The following LYRM9 variants were observed in gnomAD, a reference collection of about 807,000 sequenced individuals.
LYRM9 encodes the protein LYR motif containing 9.
LYRM9 carries 14 observed loss-of-function variants against 12.6 expected under a neutral mutation model. That is an observed-to-expected ratio of 1.11 (90% CI 0.73 to 1.73). The LOEUF (loss-of-function observed/expected upper bound fraction) is 1.73. Among genes scored for constraint, LYRM9 ranks in the 40% most tolerant of loss-of-function variants. The pLI, the probability that LYRM9 is intolerant of heterozygous loss-of-function variation, is 0.00. For synonymous variants in LYRM9, 42 were observed against 35.1 expected (o/e 1.20, Z -0.69); for missense variants, 94 against 95.0 (o/e 0.99, Z 0.04).
rs576033874 is a variant in LYRM9 at position 27,890,683 on chromosome 17, A to G, written c.-19+2634T>C. Among the ~76,000 whole-genome samples, 5 of 152,370 alleles carry G rather than the reference A, an allele frequency of 3.3e-5. No individual in the cohort carries two copies. In the East Asian group the frequency reaches 7.7e-4, roughly 24 times the overall value. On this transcript the variant is annotated intron_variant, in intron 1 of 3. Transcript: ENST00000379102. Reference sequence around the variant, plus strand: ...ACCTAAAAATAAGTGGGAAAAAGTCATATATTAAAAAAAGACGAAAGAATG... The same window carrying G: ...ACCTAAAAATAAGTGGGAAAAAGTCGTATATTAAAAAAAGACGAAAGAATG...
At chr17:27,893,255 G>C (rs890588161) in intron 1 of LYRM9, 62 bp downstream of exon 1, 1 of 153,062 alleles carries the variant, frequency 6.5e-6, no homozygotes, top group Non-Finnish European at 1.5e-5. Flanking sequence ...CCACCCAGTG[G>C]CTCCGGCCGC....
In LYRM9 at chr17:27,879,418, C is replaced by T; in HGVS notation, c.*55G>A. 6.5e-7 allele frequency: 1 copy of T among 1,537,170 alleles called. No individual in the cohort carries two copies. Among genetic ancestry groups the T allele is most frequent in the Non-Finnish European group, 8.8e-7 (1 of 1,139,890 alleles). On this transcript the variant is annotated 3_prime_UTR_variant, in exon 4 of 4. Coordinates refer to ENST00000379102, the MANE Select transcript of LYRM9 (RefSeq NM_001076680.3). The stretch of plus-strand genomic sequence containing the variant: ...CCAAACCAGCTGCTGCTGCTGAGCT[C>T]CAGAAGAGGGGCCTCTCAACTTCCA...
At chr17:27,881,692 C>G (rs1199152228) in intron 2 of LYRM9, among the ~76,000 whole-genome samples, 1 of 152,130 alleles carries the variant, frequency 6.6e-6, no homozygotes, top group African/African-American at 2.4e-5. Flanking sequence ...ATGTGTAGTT[C>G]CTAATGACAA....
At chr17:27,892,624 G>A (rs1041583669) in intron 1 of LYRM9, 3 of 326,272 alleles carry the variant, frequency 9.2e-6, no homozygotes, top group Non-Finnish European at 1.2e-5. Flanking sequence ...GTACATTGGT[G>A]GTTGCCTAGG....
Position 27,879,367 on chromosome 17 carries a change from T to G in LYRM9, c.*106A>C. 7.7e-7 allele frequency: 1 copy of G among 1,299,114 alleles called. No individual in the cohort carries two copies. The highest frequency in any genetic ancestry group is 2.7e-5 in the East Asian group (1 of 37,204). 80.5% of individuals were successfully genotyped at this position (1,299,114 alleles called of 1,614,324 possible). A position where few individuals can be genotyped will look rare whatever the true frequency, so the allele number is the denominator to read the frequency against. ...TCAGCTTCTCCCCTGATTTCTGGCT[T>G]TCAGCCAACAAGGCCAATGGCTCTT... On this transcript the variant is annotated 3_prime_UTR_variant, in exon 4 of 4. Transcript: ENST00000379102.
chr17:27,879,866 G>T (rs774836671), intron 3 of LYRM9: 14 of 574,510 alleles, frequency 2.4e-5, no homozygotes, highest in Non-Finnish European at 3.7e-5. Context: ...AAAACATACT[G>T]AATGTTTCCT....
chr17:27,885,042 C>T (rs532427636), intron 1 of LYRM9, among the ~76,000 whole-genome samples: 38 of 152,290 alleles, frequency 2.5e-4, no homozygotes, highest in African/African-American at 9.1e-4. Flanking sequence ...TGCTCTGATG[C>T]TGGAGTGGAT....
At chr17:27,887,116 TGCC>T (rs1386957402) in intron 1 of LYRM9, among the ~76,000 whole-genome samples, 1 of 152,222 alleles carries the variant, frequency 6.6e-6, no homozygotes, top group African/African-American at 2.4e-5. Context: ...CATCCTTCTC[TGCC>T]CAACAGCCAG....
intron 3 of LYRM9, chr17:27,880,019 T>G (rs1904991435): frequency 3.0e-6 from 2 of 659,462 alleles, no homozygotes. Context: ...CCCTCTCAGC[T>G]CGATCAGCAC....
intron 1 of LYRM9, among the ~76,000 whole-genome samples, chr17:27,885,701 CAAA>C (rs61615628): frequency 1.4e-4 from 4 of 29,374 alleles, no homozygotes; most frequent in East Asian, 1.1e-3. Flanking sequence ...AACTCTGTCT[CAAA>C]AAAAAAAAAA....
chr17:27,891,174 C>A (rs1905431706), intron 1 of LYRM9, among the ~76,000 whole-genome samples: 2 of 152,178 alleles, frequency 1.3e-5, no homozygotes, highest in South Asian at 4.1e-4. Flanking sequence ...AGTTCTCTAC[C>A]CATGGCCTTC....
At chr17:27,890,642 A>G (rs1905404148) in intron 1 of LYRM9, among the ~76,000 whole-genome samples, 1 of 152,304 alleles carries the variant, frequency 6.6e-6, no homozygotes, top group Middle Eastern at 3.4e-3. Flanking sequence ...TCCCTAATCT[A>G]TGTCCCGATA....
At chr17:27,882,899 A>C (rs934849729) in intron 1 of LYRM9, 187 bp from the exon 2 acceptor site, 2 of 691,294 alleles carry the variant, frequency 2.9e-6, no homozygotes, top group Non-Finnish European at 5.3e-6. Context: ...AGCCCAGAGC[A>C]GGCCCACAAG....
rs1281677125 is a variant in LYRM9 at position 27,893,310 on chromosome 17, G to C, written c.-19+7C>G. ...CCCTCGGCCTCGGCCTGCGCAGCGC[G>C]GCTCACCAGCCTCCAGGGGAACGCC... On this transcript the variant is annotated splice_region_variant and intron_variant, in intron 1 of 3. Coordinates refer to ENST00000379102, the MANE Select transcript of LYRM9 (RefSeq NM_001076680.3). 1 of 152,678 alleles carries C rather than the reference G, an allele frequency of 6.5e-6. No homozygotes were observed. The highest frequency in any genetic ancestry group is 1.9e-4 in the South Asian group (1 of 5,352). 9.5% of individuals were successfully genotyped at this position (152,678 alleles called of 1,614,324 possible). A position where few individuals can be genotyped will look rare whatever the true frequency, so the allele number is the denominator to read the frequency against.
chr17:27,880,557 C>T, intron 2 of LYRM9, 191 bp from the exon 3 acceptor site: 1 of 598,308 alleles, frequency 1.7e-6, no homozygotes, highest in Non-Finnish European at 3.0e-6. Context: ...TGAACAATAG[C>T]ATTTGAATCC....
chr17:27,882,834 T>C, intron 1 of LYRM9, 122 bp from the exon 2 acceptor site: 2 of 1,105,428 alleles, frequency 1.8e-6, no homozygotes, highest in East Asian at 2.6e-5. Context: ...TCCTGTCCCA[T>C]CCCATGGAGC....
intron 2 of LYRM9, chr17:27,880,686 G>A: frequency 2.7e-6 from 1 of 366,574 alleles, no homozygotes; most frequent in Non-Finnish European, 5.0e-6. Context: ...AGAGTCCAAG[G>A]GGAAACTTCC....
At chr17:27,891,644 C>T (rs1905454109) in intron 1 of LYRM9, among the ~76,000 whole-genome samples, 1 of 152,238 alleles carries the variant, frequency 6.6e-6, no homozygotes, top group Admixed American at 6.5e-5. Context: ...ACCCCTATTA[C>T]AGTCATCACA....
At chr17:27,881,900 G>A (rs553044923) in intron 2 of LYRM9, among the ~76,000 whole-genome samples, 24 of 151,994 alleles carry the variant, frequency 1.6e-4, no homozygotes, top group African/African-American at 4.8e-4. Context: ...CTCGACCTCC[G>A]GGCTCAAGCA....
Sources: gnomAD v4.1 joint callset for allele counts (sites outside exome capture counted in the v4.1 genomes callset) on GRCh38, gnomAD v4.1.1 for gene constraint, MANE v1.5 for transcripts, NCBI Gene and HGNC (gene_info 2026-07-23, HGNC 2026-07-21) for gene names.